The following NRG3 variants were observed in gnomAD, a reference collection of about 807,000 sequenced individuals.
NRG3 encodes pro-neuregulin-3, membrane-bound isoform.
Under a neutral mutation model 66.9 loss-of-function variants are expected in NRG3, and 31 were observed. The observed-to-expected ratio is 0.46, with a 90% CI of 0.35 to 0.63. NRG3 has a LOEUF of 0.63. Among genes scored for constraint, NRG3 ranks in the 20% least tolerant of loss-of-function variants. NRG3 has a pLI of 0.00. For synonymous variants in NRG3, 393 were observed against 359.4 expected (o/e 1.09, Z -1.06); for missense variants, 910 against 878.9 (o/e 1.04, Z -0.45).
At chr10:82,299,660 A>G (rs532184668) in intron 1 of NRG3, among the ~76,000 whole-genome samples, 1 of 152,080 alleles carries the variant, frequency 6.6e-6, no homozygotes, top group African/African-American at 2.4e-5. Context: ...CTATCCTGTT[A>G]CAATATCAGA....
At chr10:82,898,715 CTTTTTTTT>C (rs765058089) in intron 4 of NRG3, among the ~76,000 whole-genome samples, 4,942 of 89,340 alleles carry the variant, frequency 0.055, 93 homozygotes, top group Middle Eastern at 0.2. Context: ...GGAGTTTTAC[CTTTTTTTT>C]TTTTTTTTTT....
chr10:82,045,301 A>C (rs2063227685), intron 1 of NRG3, among the ~76,000 whole-genome samples: 1 of 43,310 alleles, frequency 2.3e-5, no homozygotes, highest in African/African-American at 4.4e-5. Flanking sequence ...TTTGATTTGC[A>C]TTTCTCTGAT....
intron 6 of NRG3, among the ~76,000 whole-genome samples, chr10:82,962,744 T>A (rs1592105842): frequency 6.6e-6 from 1 of 151,746 alleles, no homozygotes; most frequent in Admixed American, 6.6e-5. Flanking sequence ...GAGGTTGAGG[T>A]GGGAGAATTG....
At chr10:82,871,462 C>T (rs1841334057) in intron 4 of NRG3, among the ~76,000 whole-genome samples, 1 of 151,976 alleles carries the variant, frequency 6.6e-6, no homozygotes, top group Non-Finnish European at 1.5e-5. Context: ...ATGTAACTTC[C>T]TGGAATTTTT....
chr10:82,777,279 T>A (rs1300216607), intron 3 of NRG3, among the ~76,000 whole-genome samples: 1 of 152,100 alleles, frequency 6.6e-6, no homozygotes, highest in Non-Finnish European at 1.5e-5. Context: ...TTCTTGGTGA[T>A]AAGGGCTTTA....
chr10:82,612,085 C>T (rs532471266), intron 2 of NRG3, among the ~76,000 whole-genome samples: 1 of 152,232 alleles, frequency 6.6e-6, no homozygotes, highest in African/African-American at 2.4e-5. Flanking sequence ...AGTGTCTGTT[C>T]ATATCCTTTG....
chr10:82,304,309 A>G (rs1304561250), intron 1 of NRG3, among the ~76,000 whole-genome samples: 1 of 152,002 alleles, frequency 6.6e-6, no homozygotes, highest in East Asian at 1.9e-4. Flanking sequence ...ATAACTTTCT[A>G]TTTCTTAGCC....
At chr10:82,626,871 C>T (rs927978874) in intron 2 of NRG3, among the ~76,000 whole-genome samples, 2 of 152,084 alleles carry the variant, frequency 1.3e-5, no homozygotes, top group African/African-American at 4.8e-5. Context: ...CACAGTTGAC[C>T]TGTTAACATA....
chr10:82,011,668 A>G (rs901141028), intron 1 of NRG3, among the ~76,000 whole-genome samples: 8 of 152,124 alleles, frequency 5.3e-5, no homozygotes, highest in African/African-American at 1.7e-4. Context: ...CCCATTCCAA[A>G]TGGGAGAAAT....
At chr10:82,920,330 G>A (rs1434700322) in intron 4 of NRG3, among the ~76,000 whole-genome samples, 3 of 152,124 alleles carry the variant, frequency 2.0e-5, no homozygotes, top group Non-Finnish European at 4.4e-5. Context: ...CAGATTTGTT[G>A]AAGTGAGAGT....
chr10:81,890,282 T>G (rs577750148), intron 1 of NRG3, among the ~76,000 whole-genome samples: 7 of 152,278 alleles, frequency 4.6e-5, no homozygotes, highest in Admixed American at 2.0e-4. Context: ...AATAGTGGTT[T>G]GTTTGGAGTG....
At chr10:82,195,819 CA>C (rs1314989473) in intron 1 of NRG3, among the ~76,000 whole-genome samples, 2 of 152,136 alleles carry the variant, frequency 1.3e-5, no homozygotes, top group African/African-American at 2.4e-5. Context: ...GTCAGAGGGA[CA>C]CAGCATGAAA....
intron 3 of NRG3, among the ~76,000 whole-genome samples, chr10:82,801,381 A>C (rs1341879773): frequency 6.6e-6 from 1 of 152,186 alleles, no homozygotes; most frequent in African/African-American, 2.4e-5. Context: ...TGTGTTGGCA[A>C]GATAGTGTTA....
At chr10:81,963,756 G>A (rs1458404034) in intron 1 of NRG3, among the ~76,000 whole-genome samples, 1 of 152,078 alleles carries the variant, frequency 6.6e-6, no homozygotes, top group Non-Finnish European at 1.5e-5. Context: ...CGAGCCTCAG[G>A]GCATGTAACC....
intron 1 of NRG3, among the ~76,000 whole-genome samples, chr10:82,339,291 A>C (rs2135371242): frequency 6.6e-6 from 1 of 152,312 alleles, no homozygotes; most frequent in African/African-American, 2.4e-5. Context: ...GTTATGAAGA[A>C]ATACCTGAGA....
At chr10:82,805,432 C>A (rs780573476) in intron 3 of NRG3, among the ~76,000 whole-genome samples, 17 of 152,206 alleles carry the variant, frequency 1.1e-4, no homozygotes, top group Admixed American at 2.6e-4. Context: ...CGTCTTTTGT[C>A]CCTGTGTCTT....
chr10:82,012,981 C>T (rs897892794), intron 1 of NRG3, among the ~76,000 whole-genome samples: 1 of 152,166 alleles, frequency 6.6e-6, no homozygotes, highest in Non-Finnish European at 1.5e-5. Flanking sequence ...TGCCTGTTAC[C>T]CAGTTCCAAT....
At chr10:82,382,056 T>C (rs2085652573) in intron 2 of NRG3, among the ~76,000 whole-genome samples, 1 of 152,120 alleles carries the variant, frequency 6.6e-6, no homozygotes, top group African/African-American at 2.4e-5. Context: ...TTACACTTTA[T>C]CCAAATATAA....
In NRG3 at chr10:81,990,118, A is replaced by G. The variant is rs1218999909; in HGVS notation, c.823+113955A>G. The stretch of plus-strand genomic sequence containing the variant: ...TTTGCGACAGAGTTTGTAGTCTAAG[A>G]AGTGATTGTCCGTATCTTTACTCTT... On this transcript the variant is annotated intron_variant, in intron 1 of 8. Coordinates refer to ENST00000372141, the MANE Select transcript of NRG3 (RefSeq NM_001010848.4). Among the ~76,000 whole-genome samples, 3 of 152,112 alleles carry G rather than the reference A, an allele frequency of 2.0e-5. No homozygotes were observed. The South Asian group carries it at 6.2e-4, about 31-fold the overall frequency.
Sources: allele counts gnomAD v4.1 joint callset (sites outside exome capture counted in the v4.1 genomes callset), GRCh38; gene constraint gnomAD v4.1.1; transcripts MANE v1.5; gene names NCBI Gene and HGNC (gene_info 2026-07-23, HGNC 2026-07-21).